Variants in OPRPN observed in about 807,000 individuals in gnomAD.
OPRPN encodes the protein basic proline-rich lacrimal protein.
A neutral mutation model predicts 2.2 loss-of-function variants in OPRPN; 1 was observed. That is an observed-to-expected ratio of 0.45 (90% CI 0.16 to 2.15). The LOEUF (loss-of-function observed/expected upper bound fraction) is 2.15. Among genes scored for constraint, OPRPN ranks in the 30% most tolerant of loss-of-function variants. The pLI, the probability that OPRPN is intolerant of heterozygous loss-of-function variation, is 0.28. For synonymous variants in OPRPN, 126 were observed against 111.5 expected, an observed-to-expected ratio of 1.13 and a Z score of -0.82; for missense variants, 306 against 297.3, an observed-to-expected ratio of 1.03 and a Z score of -0.21.
At chr4:70,399,169 A>G in intron 1 of OPRPN, 102 bp from the exon 2 acceptor site, 1 of 718,244 alleles carries the variant, frequency 1.4e-6, no homozygotes, top group South Asian at 2.1e-5. Flanking sequence ...GTCTTTCTTC[A>G]TCATTTTACA....
intron 2 of OPRPN, among the ~76,000 whole-genome samples, chr4:70,406,585 T>C (rs949655793): frequency 7.2e-5 from 11 of 152,148 alleles, no homozygotes; most frequent in African/African-American, 2.7e-4. Flanking sequence ...GCCAAGTGAA[T>C]GGAAATTAGG....
chr4:70,407,665 T>C (rs114433619), intron 2 of OPRPN, among the ~76,000 whole-genome samples: 22 of 152,352 alleles, frequency 1.4e-4, no homozygotes, highest in Non-Finnish European at 2.9e-4. Context: ...GTACCCTAGG[T>C]TAAGAATGAG....
chr4:70,410,155 C>A lies in OPRPN; in HGVS notation c.*80C>A, dbSNP rs918455597. On this transcript the variant is annotated 3_prime_UTR_variant, in exon 3 of 3. Coordinates refer to ENST00000399575, the MANE Select transcript of OPRPN (RefSeq NM_021225.5). Reference sequence around the variant, plus strand: ...TGCAATGATTTTGATGGAACCAACCCTGATCTAACCAGCACACTAAATAAA... The same window carrying A: ...TGCAATGATTTTGATGGAACCAACCATGATCTAACCAGCACACTAAATAAA... 1.6e-5 allele frequency: 17 copies of A among 1,055,076 alleles called. No homozygotes were observed. The African/African-American group carries it at 2.8e-4, about 17-fold the overall frequency. The allele number at this position is 1,055,076 out of a possible 1,614,324, so 65.4% of individuals were successfully genotyped here.
chr4:70,399,885 A>T lies in OPRPN; in HGVS notation c.51+549A>T, dbSNP rs558532352. Among the ~76,000 whole-genome samples the T allele has an allele frequency of 8.5e-5, 13 of 152,114 alleles. No homozygotes were observed. In the East Asian group the frequency reaches 2.5e-3, roughly 29 times the overall value. ...TAAAATATTCCTTTAACTGACTGGA[A>T]ATTAAAGTGCTACTCACTTGGGAAA... On this transcript the variant is annotated intron_variant, in intron 2 of 2. Transcript: ENST00000399575.
intron 2 of OPRPN, among the ~76,000 whole-genome samples, chr4:70,402,647 T>C (rs1733008407): frequency 6.6e-6 from 1 of 152,000 alleles, no homozygotes; most frequent in South Asian, 2.1e-4. Flanking sequence ...TAACTGACTA[T>C]GTAATGCAGA....
chr4:70,400,253 T>C (rs1016548399), intron 2 of OPRPN, among the ~76,000 whole-genome samples: 3 of 151,864 alleles, frequency 2.0e-5, no homozygotes, highest in South Asian at 2.1e-4. Flanking sequence ...ATAGATTAGG[T>C]CTTCTTTTCA....
chr4:70,402,258 C>T (rs1732996864), intron 2 of OPRPN, among the ~76,000 whole-genome samples: 1 of 152,108 alleles, frequency 6.6e-6, no homozygotes, highest in East Asian at 1.9e-4. Flanking sequence ...TCTAACAAGC[C>T]CTCAGGTGAT....
Position 70,409,369 on chromosome 4 carries a change from T to C in OPRPN, c.52-11T>C, listed in dbSNP as rs1405778463. ...AAATTTTGTTTTTTACCTTTGTTTTTATCTCCACAGCCCAGTGAGAGTCAA... is the reference window on the plus strand; with the variant it reads ...AAATTTTGTTTTTTACCTTTGTTTTCATCTCCACAGCCCAGTGAGAGTCAA... On this transcript the variant is annotated splice_polypyrimidine_tract_variant and intron_variant, in intron 2 of 2. Coordinates refer to ENST00000399575, the MANE Select transcript of OPRPN (RefSeq NM_021225.5). 2.6e-6 allele frequency: 4 copies of C among 1,563,966 alleles called. No homozygotes were observed. The highest frequency in any genetic ancestry group is 2.8e-5 in the African/African-American group (2 of 72,284).
At chr4:70,409,313 TAATGTTTGAACTTTA>T in intron 2 of OPRPN, 52 bp from the exon 3 acceptor site, 1 of 1,271,242 alleles carries the variant, frequency 7.9e-7, no homozygotes, top group Non-Finnish European at 1.1e-6. Flanking sequence ...TAGTATATCC[TAATGTTTGAACTTTA>T]AATGATCAAA....
chr4:70,405,753 A>C (rs1437418888), intron 2 of OPRPN, among the ~76,000 whole-genome samples: 1 of 152,152 alleles, frequency 6.6e-6, no homozygotes, highest in East Asian at 1.9e-4. Context: ...GTCCACATTC[A>C]TTTATTCAAA....
At chr4:70,401,424 A>G (rs1298510828) in intron 2 of OPRPN, among the ~76,000 whole-genome samples, 1 of 152,110 alleles carries the variant, frequency 6.6e-6, no homozygotes, top group Non-Finnish European at 1.5e-5. Context: ...AGAACTTTCA[A>G]TATATCAGAG....
rs1473024489 is a variant in OPRPN at position 70,409,778 on chromosome 4, T to C, written c.450T>C (p.Asp150=). The part of the protein sequence containing the change: ...PEPQINITTA[D]TTITTNPPTT... ...CCCAAATAAACATCACCACCGCAGA[T>C]ACAACAATCACCACAAATCCCCCCA... The change falls in exon 3 of 3, where the codon GAT becomes GAC. Residue 150 remains aspartate, a synonymous_variant. Transcript: ENST00000399575. 3.1e-6 allele frequency: 5 copies of C among 1,613,556 alleles called. No homozygotes were observed. The highest frequency in any genetic ancestry group is 1.1e-5 in the South Asian group (1 of 91,018).
intron 2 of OPRPN, 33 bp downstream of exon 2, chr4:70,399,369 T>C: frequency 6.6e-7 from 1 of 1,513,244 alleles, no homozygotes; most frequent in Non-Finnish European, 9.1e-7. Context: ...TTACTTGTTA[T>C]ATTTATTGTT....
At chr4:70,405,806 G>A (rs575380200) in intron 2 of OPRPN, among the ~76,000 whole-genome samples, 21 of 152,098 alleles carry the variant, frequency 1.4e-4, no homozygotes, top group Non-Finnish European at 2.6e-4. Flanking sequence ...GCTCACACCT[G>A]TAATCCCCGC....
At chr4:70,399,874 AACTG>A (rs1225900847) in intron 2 of OPRPN, among the ~76,000 whole-genome samples, 2 of 151,924 alleles carry the variant, frequency 1.3e-5, no homozygotes, top group African/African-American at 4.8e-5. Flanking sequence ...ATATTCCTTT[AACTG>A]ACTGGAAATT....
chr4:70,402,384 ATGT>A (rs1209411433), intron 2 of OPRPN, among the ~76,000 whole-genome samples: 1 of 152,276 alleles, frequency 6.6e-6, no homozygotes, highest in East Asian at 1.9e-4. Flanking sequence ...AAATGCTCAA[ATGT>A]TGTCACGGGA....
chr4:70,408,165 G>A (rs769146285), intron 2 of OPRPN, among the ~76,000 whole-genome samples: 3 of 152,174 alleles, frequency 2.0e-5, no homozygotes, highest in Non-Finnish European at 2.9e-5. Flanking sequence ...TTTGCATAGA[G>A]TTGATCCAAA....
chr4:70,406,964 G>A (rs1384227150), intron 2 of OPRPN, among the ~76,000 whole-genome samples: 1 of 152,008 alleles, frequency 6.6e-6, no homozygotes, highest in Non-Finnish European at 1.5e-5. Flanking sequence ...TAAATATAAA[G>A]TAGAACTGGC....
intron 2 of OPRPN, among the ~76,000 whole-genome samples, chr4:70,402,533 C>A (rs1733006062): frequency 1.3e-5 from 2 of 152,020 alleles, no homozygotes; most frequent in African/African-American, 4.8e-5. Context: ...GTTTGCCAGG[C>A]ACTATTCTAG....
Sources: allele counts gnomAD v4.1 joint callset (sites outside exome capture counted in the v4.1 genomes callset), GRCh38; gene constraint gnomAD v4.1.1; transcripts MANE v1.5; gene names NCBI Gene and HGNC (gene_info 2026-07-23, HGNC 2026-07-21).